The following DAB1 variants were observed in gnomAD, a reference collection of about 807,000 sequenced individuals.
The protein encoded by DAB1 is disabled homolog 1.
Under a neutral mutation model 64.6 loss-of-function variants are expected in DAB1, and 15 were observed. That is an observed-to-expected ratio of 0.23 (90% CI 0.16 to 0.36). DAB1 has a LOEUF of 0.36. Among genes scored for constraint, DAB1 ranks in the 10% least tolerant of loss-of-function variants. DAB1 has a pLI of 1.00. For missense variants in DAB1, 596 were observed against 706.7 expected (o/e 0.84, Z 1.78); for synonymous variants, 235 against 251.9 (o/e 0.93, Z 0.64).
At chr1:57,729,243 C>T (rs560518713) in intron 6 of DAB1, among the ~76,000 whole-genome samples, 5 of 152,296 alleles carry the variant, frequency 3.3e-5, no homozygotes, top group South Asian at 4.1e-4. Flanking sequence ...ATGCAGAATG[C>T]GCCAGATCTG....
chr1:57,460,252 C>T (rs534562869), intron 7 of DAB1, among the ~76,000 whole-genome samples: 2 of 152,256 alleles, frequency 1.3e-5, no homozygotes, highest in Admixed American at 6.5e-5. Flanking sequence ...CGTCCCCATC[C>T]CCTTGTTTGG....
At chr1:57,212,444 T>G (rs1205184766) in intron 2 of DAB1, among the ~76,000 whole-genome samples, 2 of 134,748 alleles carry the variant, frequency 1.5e-5, no homozygotes, top group Non-Finnish European at 3.1e-5. Flanking sequence ...CTCAGCTCAC[T>G]GCAAGCTCCA....
At chr1:57,547,700 A>C (rs1644870833) in intron 7 of DAB1, among the ~76,000 whole-genome samples, 2 of 152,206 alleles carry the variant, frequency 1.3e-5, no homozygotes, top group African/African-American at 4.8e-5. Flanking sequence ...CCTGGTTTGG[A>C]TTCTGGAACA....
At chr1:58,529,259 C>G (rs1446809410) in intron 1 of DAB1, among the ~76,000 whole-genome samples, 2 of 151,998 alleles carry the variant, frequency 1.3e-5, no homozygotes, top group East Asian at 3.9e-4. Flanking sequence ...TAAACAGCAC[C>G]CAGATGGCAC....
At chr1:58,030,402 G>C (rs990950076) in intron 5 of DAB1, among the ~76,000 whole-genome samples, 1 of 151,902 alleles carries the variant, frequency 6.6e-6, no homozygotes, top group Admixed American at 6.6e-5. Flanking sequence ...TATTTTTAAG[G>C]TGAGGAGGCA....
At chr1:57,997,033 T>G (rs1646435935) in intron 5 of DAB1, among the ~76,000 whole-genome samples, 1 of 151,962 alleles carries the variant, frequency 6.6e-6, no homozygotes, top group African/African-American at 2.4e-5. Flanking sequence ...TTAAACTATC[T>G]TTCTCAAATA....
At chr1:58,170,349 G>A (rs144712736) in intron 4 of DAB1, among the ~76,000 whole-genome samples, 1,660 of 152,234 alleles carry the variant, frequency 0.011, 31 homozygotes, top group African/African-American at 0.038. Context: ...AGCTATGGGA[G>A]GCCTTAAGAA....
Position 57,625,911 on chromosome 1 carries a change from C to T in DAB1, n.625+23681G>A, listed in dbSNP as rs138533758. Among the ~76,000 whole-genome samples the T allele has an allele frequency of 2.1e-3, 322 of 152,014 alleles. 4 individuals are homozygous for T. The highest frequency in any genetic ancestry group is 7.4e-3 in the African/African-American group (305 of 41,460). ...CAAAAATAAAACAAAAAAGCTGGGT[C>T]GAACCTTTATTTTATTAAATAAAGA... On this transcript the variant is annotated intron_variant and non_coding_transcript_variant, in intron 7 of 20. Coordinates refer to the DAB1 transcript ENST00000485760.
intron 5 of DAB1, among the ~76,000 whole-genome samples, chr1:58,103,240 G>T (rs1651428993): frequency 6.6e-6 from 1 of 152,056 alleles, no homozygotes; most frequent in Admixed American, 6.6e-5. Context: ...TGCATCAAAA[G>T]TAACTTACTA....
chr1:58,504,699 T>C (rs1361853658), intron 3 of DAB1, among the ~76,000 whole-genome samples: 7 of 152,332 alleles, frequency 4.6e-5, no homozygotes, highest in Middle Eastern at 3.4e-3. Flanking sequence ...ACCTAATGAA[T>C]GAATAAATCT....
At chr1:57,475,475 A>C (rs1250685493) in intron 7 of DAB1, among the ~76,000 whole-genome samples, 2 of 152,206 alleles carry the variant, frequency 1.3e-5, no homozygotes, top group African/African-American at 4.8e-5. Flanking sequence ...TGGCCAGTGA[A>C]TAGTAATTAG....
chr1:57,838,172 T>C (rs1473599159), intron 1 of DAB1, among the ~76,000 whole-genome samples: 5 of 152,142 alleles, frequency 3.3e-5, no homozygotes, highest in Admixed American at 2.0e-4. Flanking sequence ...GGCCGCCTTA[T>C]CCCTGTGCCC....
At chr1:57,885,989 C>T (rs937062469), upstream of DAB1, among the ~76,000 whole-genome samples, 1 of 152,080 alleles carries the variant, frequency 6.6e-6, no homozygotes, top group African/African-American at 2.4e-5. Context: ...CTTTAAAGAC[C>T]TCTGCTTTAA....
intron 7 of DAB1, among the ~76,000 whole-genome samples, chr1:57,439,422 T>TTTG (rs1558381306): frequency 1.7e-5 from 2 of 120,768 alleles, no homozygotes; most frequent in South Asian, 2.9e-4. Flanking sequence ...GATGAGGTTT[T>TTTG]TTCTTTTTTT....
chr1:58,096,396 T>C (rs1482016130), intron 5 of DAB1, among the ~76,000 whole-genome samples: 2 of 152,234 alleles, frequency 1.3e-5, no homozygotes, highest in African/African-American at 4.8e-5. Context: ...CTTACAGACT[T>C]CTCTAGCTAA....
At chr1:57,172,402 T>C (rs1161179519) in intron 2 of DAB1, among the ~76,000 whole-genome samples, 1 of 152,168 alleles carries the variant, frequency 6.6e-6, no homozygotes, top group Non-Finnish European at 1.5e-5. Flanking sequence ...CTCTTCTTAG[T>C]GATAAAGAAG....
chr1:57,542,699 T>C lies in DAB1; in HGVS notation n.625+106893A>G, dbSNP rs1644816163. 5.9e-5 allele frequency among the ~76,000 whole-genome samples: 9 copies of C among 151,992 alleles called. 1 individual carries two copies. Among genetic ancestry groups the C allele is most frequent in the Admixed American group, 5.9e-4 (9 of 15,252 alleles). Reference sequence around the variant, plus strand: ...CTCAGTTTTTCATTCTGAACAGTCATAGGGTAAATATTCCTGTTCACAGTA... The same window carrying C: ...CTCAGTTTTTCATTCTGAACAGTCACAGGGTAAATATTCCTGTTCACAGTA... On this transcript the variant is annotated intron_variant and non_coding_transcript_variant, in intron 7 of 20. Coordinates refer to the DAB1 transcript ENST00000485760.
At chr1:57,502,318 C>CAA (rs10649147) in intron 7 of DAB1, among the ~76,000 whole-genome samples, 3,409 of 93,628 alleles carry the variant, frequency 0.036, 132 homozygotes, top group African/African-American at 0.045. Flanking sequence ...GAGTCCGTCT[C>CAA]AAAAAAAAAA....
At chr1:57,925,853 CAT>C (rs1470147944) in intron 5 of DAB1, among the ~76,000 whole-genome samples, 13 of 152,152 alleles carry the variant, frequency 8.5e-5, no homozygotes, top group Non-Finnish European at 1.8e-4. Flanking sequence ...CAGATTAAAA[CAT>C]ATAAACGCTC....
Sources: gnomAD v4.1 joint callset for allele counts (sites outside exome capture counted in the v4.1 genomes callset) on GRCh38, gnomAD v4.1.1 for gene constraint, MANE v1.5 for transcripts, NCBI Gene and HGNC (gene_info 2026-07-23, HGNC 2026-07-21) for gene names.